ADCY2: variants seen among roughly 807,000 people sequenced by gnomAD.
ADCY2 encodes adenylate cyclase 2.
A neutral mutation model predicts 125.2 loss-of-function variants in ADCY2; 31 were observed. That is an observed-to-expected ratio of 0.25 (90% CI 0.19 to 0.33). ADCY2 has a LOEUF of 0.33. ADCY2 is among the 10% of genes least tolerant of loss of function. The probability of loss-of-function intolerance (pLI) is 1.00; values close to 1 mark genes in which losing one functional copy is unlikely to be tolerated. For missense variants in ADCY2, 904 were observed against 1,418.2 expected (o/e 0.64, Z 5.82); for synonymous variants, 512 against 548.4 (o/e 0.93, Z 0.93).
At chr5:7,607,889 A>G (rs1392603380) in intron 3 of ADCY2, among the ~76,000 whole-genome samples, 2 of 152,174 alleles carry the variant, frequency 1.3e-5, no homozygotes, top group African/African-American at 4.8e-5. Flanking sequence ...AAATTTGGTG[A>G]ATGATGTAAT....
intron 2 of ADCY2, among the ~76,000 whole-genome samples, chr5:7,465,490 T>C (rs1005696398): frequency 6.6e-6 from 1 of 152,198 alleles, no homozygotes; most frequent in Non-Finnish European, 1.5e-5. Flanking sequence ...ATTCTGTGCT[T>C]CTTTGATTCA....
chr5:7,506,149 A>G (rs1743805240), intron 2 of ADCY2, among the ~76,000 whole-genome samples: 3 of 152,170 alleles, frequency 2.0e-5, no homozygotes, highest in Non-Finnish European at 4.4e-5. Context: ...ATAAGGTAGT[A>G]TTTGCCAATG....
At chr5:7,512,576 T>G (rs1436329795) in intron 2 of ADCY2, among the ~76,000 whole-genome samples, 1 of 152,064 alleles carries the variant, frequency 6.6e-6, no homozygotes, top group Non-Finnish European at 1.5e-5. Context: ...TTCATTGGAG[T>G]TGGGGCATAA....
intron 16 of ADCY2, among the ~76,000 whole-genome samples, chr5:7,763,567 T>C (rs1399724490): frequency 1.3e-5 from 2 of 152,126 alleles, no homozygotes; most frequent in African/African-American, 4.8e-5. Flanking sequence ...CATGAAACAC[T>C]CACTCCCCAT....
At chr5:7,628,427 T>C (rs1738202765) in intron 4 of ADCY2, among the ~76,000 whole-genome samples, 1 of 152,132 alleles carries the variant, frequency 6.6e-6, no homozygotes, top group South Asian at 2.1e-4. Flanking sequence ...ACTGAGCAGC[T>C]GAAAGCACAT....
intron 14 of ADCY2, among the ~76,000 whole-genome samples, chr5:7,728,926 G>T (rs191330714): frequency 3.3e-5 from 5 of 152,278 alleles, no homozygotes; most frequent in Admixed American, 3.3e-4. Context: ...TCACTTTTAA[G>T]AAACACATCC....
At chr5:7,620,976 C>T (rs1737935591) in intron 3 of ADCY2, among the ~76,000 whole-genome samples, 1 of 151,910 alleles carries the variant, frequency 6.6e-6, no homozygotes, top group African/African-American at 2.4e-5. Flanking sequence ...CTGCAGGGTG[C>T]TGCCTGGTGT....
chr5:7,602,128 A>G (rs1399424706), intron 3 of ADCY2, among the ~76,000 whole-genome samples: 3 of 152,210 alleles, frequency 2.0e-5, no homozygotes, highest in Non-Finnish European at 4.4e-5. Flanking sequence ...ACTCTAACCT[A>G]TGATGATCTT....
Position 7,655,453 on chromosome 5 carries a change from A to G in ADCY2, c.720+29137A>G, listed in dbSNP as rs577330965. 2.6e-5 allele frequency among the ~76,000 whole-genome samples: 4 copies of G among 152,320 alleles called. No homozygotes were observed. The South Asian group carries it at 8.3e-4, about 32-fold the overall frequency. On this transcript the variant is annotated intron_variant, in intron 4 of 24. Coordinates refer to ENST00000338316, the MANE Select transcript of ADCY2 (RefSeq NM_020546.3). The stretch of plus-strand genomic sequence containing the variant: ...CTGAAGGCCTGAACGTCCAGGATGT[A>G]AAATCCCAGCTCACGAGAAAAAGAC...
chr5:7,633,534 T>A (rs1318457591), intron 4 of ADCY2, among the ~76,000 whole-genome samples: 1 of 152,144 alleles, frequency 6.6e-6, no homozygotes, highest in Non-Finnish European at 1.5e-5. Context: ...ATTCTTTTAA[T>A]GGTTAAATAT....
chr5:7,646,644 A>G (rs1738908947), intron 4 of ADCY2, among the ~76,000 whole-genome samples: 1 of 152,176 alleles, frequency 6.6e-6, no homozygotes, highest in Non-Finnish European at 1.5e-5. Context: ...TTTTAGGACC[A>G]GGTAAATAGT....
intron 2 of ADCY2, among the ~76,000 whole-genome samples, chr5:7,441,417 G>GT (rs60283566): frequency 0.012 from 1,821 of 148,156 alleles, 29 homozygotes; most frequent in African/African-American, 0.039. Flanking sequence ...TATTTTTAGT[G>GT]TTTTTTTTTT....
At chr5:7,591,677 C>A (rs1482203737) in intron 3 of ADCY2, among the ~76,000 whole-genome samples, 1 of 152,140 alleles carries the variant, frequency 6.6e-6, no homozygotes, top group Non-Finnish European at 1.5e-5. Flanking sequence ...ACATCTCAGC[C>A]ATGAGCCCTC....
chr5:7,500,621 C>G (rs1010756780), intron 2 of ADCY2, among the ~76,000 whole-genome samples: 2 of 152,102 alleles, frequency 1.3e-5, no homozygotes, highest in African/African-American at 2.4e-5. Flanking sequence ...GAGGAATATT[C>G]TACAAAATAC....
chr5:7,689,019 A>C (rs2914288), intron 4 of ADCY2, among the ~76,000 whole-genome samples: 105,495 of 152,108 alleles, frequency 0.69, 37,456 homozygotes, highest in East Asian at 0.98. Flanking sequence ...TTCTTTATAT[A>C]AAGATGATGA....
At chr5:7,703,110 T>G (rs1290786730) in intron 7 of ADCY2, among the ~76,000 whole-genome samples, 1 of 152,234 alleles carries the variant, frequency 6.6e-6, no homozygotes, top group Non-Finnish European at 1.5e-5. Flanking sequence ...TTTGAGTTCT[T>G]TGTAGATTCT....
In ADCY2 at chr5:7,793,308, G is replaced by A. The variant is rs148592812; in HGVS notation, c.2628+3508G>A. On this transcript the variant is annotated intron_variant, in intron 20 of 24. Transcript: ENST00000338316. ...CTAAAAATACAAAAACAAGTTAGCCGGGCATGGTGGTATGTGCCTGTAATC... is the reference window on the plus strand; with the variant it reads ...CTAAAAATACAAAAACAAGTTAGCCAGGCATGGTGGTATGTGCCTGTAATC... Among the ~76,000 whole-genome samples, 11 of 152,242 alleles carry A rather than the reference G, an allele frequency of 7.2e-5. No individual in the cohort carries two copies. In the East Asian group the frequency reaches 1.7e-3, roughly 24 times the overall value.
intron 7 of ADCY2, among the ~76,000 whole-genome samples, chr5:7,704,795 G>A (rs1020150864): frequency 3.3e-5 from 5 of 151,646 alleles, no homozygotes; most frequent in Non-Finnish European, 7.4e-5. Flanking sequence ...GGAGAATGGC[G>A]TGAACCCGGG....
chr5:7,514,811 G>A (rs998957641), intron 2 of ADCY2, among the ~76,000 whole-genome samples: 1 of 152,220 alleles, frequency 6.6e-6, no homozygotes, highest in Non-Finnish European at 1.5e-5. Flanking sequence ...ATCAGAGGTT[G>A]CTCAGGATTG....
Sources: gnomAD v4.1 joint callset for allele counts (sites outside exome capture counted in the v4.1 genomes callset) on GRCh38, gnomAD v4.1.1 for gene constraint, MANE v1.5 for transcripts, NCBI Gene and HGNC (gene_info 2026-07-23, HGNC 2026-07-21) for gene names.